The following PPEF2 variants were observed in gnomAD, a reference collection of about 807,000 sequenced individuals.
The protein encoded by PPEF2 is serine/threonine-protein phosphatase with EF-hands 2.
In PPEF2, 84 loss-of-function variants were observed where a neutral mutation model predicts 84.7. The ratio of observed to expected loss-of-function variants is 0.99; its 90% CI spans 0.83 to 1.19. The LOEUF (loss-of-function observed/expected upper bound fraction) is 1.19, where lower values mean the gene tolerates loss of function less well. Among genes scored for constraint, PPEF2 ranks in the 50% most tolerant of loss-of-function variants. The pLI, the probability that PPEF2 is intolerant of heterozygous loss-of-function variation, is 0.00. For missense variants in PPEF2, 924 were observed against 937.5 expected (o/e 0.99, Z 0.19); for synonymous variants, 346 against 345.2 (o/e 1.00, Z -0.03).
intron 16 of PPEF2, 71 bp from the exon 17 acceptor site, chr4:75,860,991 A>C: frequency 1.3e-6 from 2 of 1,537,430 alleles, no homozygotes; most frequent in South Asian, 2.4e-5. Context: ...TGACATTCTT[A>C]CAAGGACACC....
rs766563875 is a variant in PPEF2 at position 75,873,283 on chromosome 4, C to A, written c.1350G>T (p.Met450Ile). ...QVVDILWSDPMAQEGCKANTI... is the reference protein window; with the variant it reads ...QVVDILWSDPIAQEGCKANTI... ...TGTTGGCCTTGCAGCCCTCTTGAGC[C>A]ATGGGATCACTCCACAGGATATCTA... is the stretch of plus-strand genomic sequence containing the variant. Residue 450 changes from methionine (M) to isoleucine (I), a missense_variant, in exon 12 of 17, where the codon ATG (methionine) becomes ATT (isoleucine). By Grantham distance (10) the Met-to-Ile change is conservative. Coordinates refer to ENST00000286719, the MANE Select transcript of PPEF2 (RefSeq NM_006239.3). 1 of 1,613,870 alleles carries A rather than the reference C, an allele frequency of 6.2e-7. No individual in the cohort carries two copies. Among genetic ancestry groups the A allele is most frequent in the African/African-American group, 1.3e-5 (1 of 74,882 alleles).
intron 1 of PPEF2, among the ~76,000 whole-genome samples, chr4:75,898,281 C>T (rs1228511508): frequency 6.6e-6 from 1 of 152,210 alleles, no homozygotes; most frequent in African/African-American, 2.4e-5. Context: ...TTGTTTATGG[C>T]CAGTTTTGGG....
intron 15 of PPEF2, among the ~76,000 whole-genome samples, chr4:75,865,442 C>A (rs1724103741): frequency 6.6e-6 from 1 of 152,086 alleles, no homozygotes; most frequent in African/African-American, 2.4e-5. Flanking sequence ...GGCTGGAGTG[C>A]AGTGGCATGG....
At chr4:75,863,274 G>A (rs1161949731) in intron 16 of PPEF2, among the ~76,000 whole-genome samples, 3 of 151,384 alleles carry the variant, frequency 2.0e-5, no homozygotes, top group East Asian at 3.9e-4. Context: ...GGTGAATCAC[G>A]AGGTCAGGAG....
intron 5 of PPEF2, among the ~76,000 whole-genome samples, chr4:75,889,377 C>T (rs554826057): frequency 6.6e-6 from 1 of 152,146 alleles, no homozygotes; most frequent in Non-Finnish European, 1.5e-5. Context: ...ACAGTCCAGG[C>T]AAGTTTCTGC....
intron 8 of PPEF2, 85 bp downstream of exon 8, chr4:75,884,509 T>G: frequency 7.1e-7 from 1 of 1,404,722 alleles, no homozygotes; most frequent in East Asian, 2.3e-5. Context: ...TTAAAGGCAT[T>G]TAACAAATAA....
intron 1 of PPEF2, among the ~76,000 whole-genome samples, chr4:75,896,983 C>T (rs908032486): frequency 6.6e-6 from 1 of 152,092 alleles, no homozygotes; most frequent in Non-Finnish European, 1.5e-5. Flanking sequence ...CTCCTGGGTT[C>T]ACGCCATTCT....
chr4:75,866,647 G>T, intron 14 of PPEF2: 1 of 380,664 alleles, frequency 2.6e-6, no homozygotes, highest in Non-Finnish European at 4.9e-6. Flanking sequence ...ACTTATTGAG[G>T]CATTTTACAT....
chr4:75,880,616 C>T (rs1456788053), intron 10 of PPEF2, among the ~76,000 whole-genome samples: 1 of 152,164 alleles, frequency 6.6e-6, no homozygotes, highest in Non-Finnish European at 1.5e-5. Context: ...TGCCTCCAGA[C>T]ATACATGCAG....
intron 12 of PPEF2, among the ~76,000 whole-genome samples, chr4:75,872,841 A>G (rs1724317525): frequency 6.6e-6 from 1 of 152,232 alleles, no homozygotes; most frequent in African/African-American, 2.4e-5. Context: ...CCTGAAGAAT[A>G]GAGGTGTGGC....
chr4:75,877,310 C>G (rs1724451849), intron 10 of PPEF2, among the ~76,000 whole-genome samples: 1 of 150,608 alleles, frequency 6.6e-6, no homozygotes, highest in Non-Finnish European at 1.5e-5. Flanking sequence ...GCACTCCAGC[C>G]TGGGCAACAA....
intron 6 of PPEF2, among the ~76,000 whole-genome samples, chr4:75,887,619 T>C (rs375901196): frequency 0.026 from 759 of 29,080 alleles, 8 homozygotes; most frequent in African/African-American, 0.06. Flanking sequence ...GGACTGTGTC[T>C]CAAAAAAAAA....
At chr4:75,902,073 T>C (rs1031904456) in intron 1 of PPEF2, among the ~76,000 whole-genome samples, 157 bp downstream of exon 1, 1 of 152,182 alleles carries the variant, frequency 6.6e-6, no homozygotes, top group African/African-American at 2.4e-5. Context: ...ATCACACAGA[T>C]AGCAAAGACC....
intron 8 of PPEF2, among the ~76,000 whole-genome samples, chr4:75,884,354 G>A (rs932810712): frequency 6.6e-6 from 1 of 151,572 alleles, no homozygotes; most frequent in African/African-American, 2.4e-5. Context: ...CTTAAACCCA[G>A]GAAGCAGAGG....
rs199749123 is a variant in PPEF2, at chr4:75,867,424, G to A, written c.1650-5C>T. ...GACTCCTCCACTCTGCTAATCCTGG[G>A]ACAGGAGATGAAAAGCGACATTTTA... On this transcript the variant is annotated splice_region_variant and splice_polypyrimidine_tract_variant and intron_variant, in intron 13 of 16. Coordinates refer to ENST00000286719, the MANE Select transcript of PPEF2 (RefSeq NM_006239.3). 2.7e-3 allele frequency: 4,272 copies of A among 1,601,474 alleles called. 13 individuals carry two copies. The highest frequency in any genetic ancestry group is 3.3e-3 in the Non-Finnish European group (3,815 of 1,170,626).
At chr4:75,889,355 C>T (rs1052595002) in intron 5 of PPEF2, among the ~76,000 whole-genome samples, 7 of 152,128 alleles carry the variant, frequency 4.6e-5, no homozygotes, top group African/African-American at 1.4e-4. Flanking sequence ...AGTGGCCTCC[C>T]GAGGTTCGTG....
chr4:75,875,197 G>A (rs1475179533), intron 11 of PPEF2, among the ~76,000 whole-genome samples: 1 of 152,034 alleles, frequency 6.6e-6, no homozygotes, highest in Non-Finnish European at 1.5e-5. Context: ...GAGCCACTGC[G>A]CCCGGCTGAA....
intron 13 of PPEF2, among the ~76,000 whole-genome samples, chr4:75,869,303 A>T (rs1443836723): frequency 6.6e-6 from 1 of 152,210 alleles, no homozygotes; most frequent in East Asian, 1.9e-4. Context: ...GTAAGCACTT[A>T]CTAAATGCAG....
chr4:75,899,685 T>A lies in PPEF2; in HGVS notation c.-59+2545A>T, dbSNP rs577392834. ...ACAACCAGAGGAAAAAAGACTGTGA[T>A]CTCTTTTTGTGTGCAAAATGGTTCC... On this transcript the variant is annotated intron_variant, in intron 1 of 16. Coordinates refer to ENST00000286719, the MANE Select transcript of PPEF2 (RefSeq NM_006239.3). Among the ~76,000 whole-genome samples the A allele has an allele frequency of 2.2e-4, 33 of 152,292 alleles. 1 individual carries two copies. In the South Asian group the frequency reaches 4.6e-3, roughly 21 times the overall value.
Sources: allele counts gnomAD v4.1 joint callset (sites outside exome capture counted in the v4.1 genomes callset), GRCh38; gene constraint gnomAD v4.1.1; transcripts MANE v1.5; gene names NCBI Gene and HGNC (gene_info 2026-07-23, HGNC 2026-07-21).